SCN2A: variants seen among roughly 807,000 people sequenced by gnomAD.
SCN2A encodes the protein sodium channel protein type 2 subunit alpha.
Under a neutral mutation model 188.7 loss-of-function variants are expected in SCN2A, and 20 were observed. The ratio of observed to expected loss-of-function variants is 0.11; its 90% CI spans 0.07 to 0.15. The LOEUF (loss-of-function observed/expected upper bound fraction) is 0.15. Ranked by LOEUF, SCN2A falls within the 10% of genes least tolerant of loss-of-function variation. The pLI, the probability that SCN2A is intolerant of heterozygous loss-of-function variation, is 1.00. For synonymous variants in SCN2A, 804 were observed against 833.1 expected (o/e 0.97, Z 0.60); for missense variants, 1,278 against 2,445.0 (o/e 0.52, Z 10.07).
At chr2:165,303,868 G>A (rs1488400255) in intron 3 of SCN2A, among the ~76,000 whole-genome samples, 4 of 151,698 alleles carry the variant, frequency 2.6e-5, no homozygotes, top group East Asian at 3.9e-4. Context: ...GCCTGTTTTC[G>A]ACTTATTATC....
intron 17 of SCN2A, among the ~76,000 whole-genome samples, chr2:165,358,552 A>C (rs887912644): frequency 6.6e-6 from 1 of 152,118 alleles, no homozygotes; most frequent in African/African-American, 2.4e-5. Context: ...TAAAACTCTT[A>C]GACTGAAAGA....
rs1389563137 is a variant in SCN2A, at chr2:165,354,504, A to T, written c.3232A>T (p.Ile1078Leu). 1 of 1,614,142 alleles carries T rather than the reference A, an allele frequency of 6.2e-7. No individual in the cohort carries two copies. The highest frequency in any genetic ancestry group is 1.3e-5 in the African/African-American group (1 of 75,048). The change falls in exon 17 of 27, where the codon ATA becomes TTA. Residue 1078 changes from isoleucine (I) to leucine (L), a missense_variant. Coordinates refer to ENST00000375437, the MANE Select transcript of SCN2A (RefSeq NM_001040142.2). Reference sequence around the variant, plus strand: ...AGACGGAAATGGAACTACTAGTGGCATAGGCAGCAGTGTAGAAAAATATGT... The same window carrying T: ...AGACGGAAATGGAACTACTAGTGGCTTAGGCAGCAGTGTAGAAAAATATGT... ...LKDGNGTTSG[I>L]GSSVEKYVVD...
chr2:165,327,411 T>A (rs996933950), intron 13 of SCN2A: 1 of 197,046 alleles, frequency 5.1e-6, no homozygotes, highest in Non-Finnish European at 1.0e-5. Flanking sequence ...TGATATTAAC[T>A]TCCTTGAAGC....
chr2:165,240,834 C>A, intron 1 of SCN2A, among the ~76,000 whole-genome samples: 1 of 151,776 alleles, frequency 6.6e-6, no homozygotes, highest in Non-Finnish European at 1.5e-5. Context: ...TTGGACAAAC[C>A]ATGAAAAAAA....
chr2:165,273,261 T>G (rs936127509), intron 1 of SCN2A: 4 of 152,160 alleles, frequency 2.6e-5, no homozygotes, highest in African/African-American at 9.6e-5. Context: ...TAGATGGTGA[T>G]TAAAGAGTTG....
At chr2:165,291,213 T>C (rs1027198668) in intron 1 of SCN2A, among the ~76,000 whole-genome samples, 3 of 151,720 alleles carry the variant, frequency 2.0e-5, no homozygotes, top group Admixed American at 6.6e-5. Flanking sequence ...GGCTAATTTT[T>C]TCTATTTTTT....
intron 11 of SCN2A, among the ~76,000 whole-genome samples, chr2:165,317,621 C>G (rs1294696524): frequency 1.3e-5 from 2 of 152,046 alleles, no homozygotes; most frequent in Admixed American, 1.3e-4. Flanking sequence ...AATAGTGAAG[C>G]CTGATAAGGC....
Position 165,390,195 on chromosome 2 carries a change from G to T in SCN2A, c.*371G>T. ...TGTCACCAGTGTTTATGTTTTAACT[G>T]CCACACCTGCCATATTTTTACAAAA... On this transcript the variant is annotated 3_prime_UTR_variant, in exon 27 of 27. Transcript: ENST00000375437. 1 of 201,598 alleles carries T rather than the reference G, an allele frequency of 5.0e-6. No individual in the cohort carries two copies. The highest frequency in any genetic ancestry group is 1.0e-5 in the Non-Finnish European group (1 of 97,966). 12.5% of individuals were successfully genotyped at this position (201,598 alleles called of 1,614,324 possible). A position where few individuals can be genotyped will look rare whatever the true frequency, so the allele number is the denominator to read the frequency against.
At chr2:165,385,047 G>A (rs1289602760) in intron 25 of SCN2A, among the ~76,000 whole-genome samples, 1 of 152,102 alleles carries the variant, frequency 6.6e-6, no homozygotes, top group Non-Finnish European at 1.5e-5. Context: ...GATCCAGCTG[G>A]AGTAATAGAA....
chr2:165,294,065 G>A, intron 1 of SCN2A: 2 of 815,490 alleles, frequency 2.5e-6, no homozygotes, highest in Non-Finnish European at 2.9e-6. Context: ...AAGCATGATG[G>A]AATTTTAGCT....
At chr2:165,253,049 G>A (rs1487129108) in intron 1 of SCN2A, among the ~76,000 whole-genome samples, 3 of 152,072 alleles carry the variant, frequency 2.0e-5, no homozygotes, top group Non-Finnish European at 4.4e-5. Context: ...CTCATCACAG[G>A]TGAATGGGGG....
chr2:165,350,664 G>GGGTTTCA (rs1337121439), intron 16 of SCN2A, among the ~76,000 whole-genome samples: 4 of 141,540 alleles, frequency 2.8e-5, no homozygotes. Context: ...AGTAGAGACG[G>GGGTTTCA]GGTTTCACCG....
chr2:165,349,601 A>G (rs1559380226), intron 16 of SCN2A, among the ~76,000 whole-genome samples: 1 of 152,234 alleles, frequency 6.6e-6, no homozygotes, highest in Non-Finnish European at 1.5e-5. Flanking sequence ...TGATGTATGC[A>G]TAAAAAGATA....
At chr2:165,388,549 A>G (rs913763950) in intron 26 of SCN2A, 80 bp from the exon 27 acceptor site, 2 of 1,585,434 alleles carry the variant, frequency 1.3e-6, no homozygotes, top group Non-Finnish European at 1.7e-6. Flanking sequence ...CACATTTTGT[A>G]AAACTAATGT....
chr2:165,300,214 A>C (rs185874161), intron 3 of SCN2A, among the ~76,000 whole-genome samples: 1 of 152,346 alleles, frequency 6.6e-6, no homozygotes, highest in Admixed American at 6.5e-5. Context: ...AAGTTAATAT[A>C]TGCACACTCC....
At chr2:165,346,930 A>T (rs1005175074) in intron 16 of SCN2A, among the ~76,000 whole-genome samples, 2 of 152,250 alleles carry the variant, frequency 1.3e-5, no homozygotes, top group Admixed American at 1.3e-4. Flanking sequence ...ATCATTAAAA[A>T]GTCAGGAAAC....
intron 24 of SCN2A, 132 bp from the exon 25 acceptor site, chr2:165,380,961 G>A (rs189597714): frequency 1.7e-5 from 12 of 707,812 alleles, no homozygotes; most frequent in Admixed American, 2.7e-5. Flanking sequence ...ATTGAATAAA[G>A]GCATCTCTAT....
rs1702027530 is a variant in SCN2A, at chr2:165,389,225, C to T, written c.5419C>T (p.Pro1807Ser). 3.1e-6 allele frequency: 5 copies of T among 1,613,988 alleles called. No individual in the cohort carries two copies. The highest frequency in any genetic ancestry group is 3.4e-6 in the Non-Finnish European group (4 of 1,179,990). ...MFYEVWEKFD[P>S]DATQFIEFAK... ...CTATGAGGTTTGGGAGAAGTTTGAT[C>T]CCGATGCGACCCAGTTTATAGAGTT... The change falls in exon 27 of 27, where the codon CCC becomes TCC. Residue 1807 changes from proline to serine, a missense_variant. Pro to Ser is a moderately conservative substitution (Grantham distance 74, BLOSUM62 -1). This residue lies in a region of SCN2A where 54 missense variants were observed against 135.4 expected (regional missense o/e 0.40). Transcript: ENST00000375437. The surrounding 1 kb of genome is among the most constrained non-coding windows in gnomAD (Gnocchi z 4.2).
At chr2:165,259,477 G>A (rs1208548338) in intron 1 of SCN2A, among the ~76,000 whole-genome samples, 1 of 152,200 alleles carries the variant, frequency 6.6e-6, no homozygotes, top group Non-Finnish European at 1.5e-5. Context: ...ACCTGCCACT[G>A]CTTTATCAAC....
Sources: gnomAD v4.1 joint callset for allele counts (sites outside exome capture counted in the v4.1 genomes callset) on GRCh38, gnomAD v4.1.1 for gene constraint, gnomAD v4.1.1 regional missense constraint, Gnocchi (gnomAD v3.1) non-coding constraint, MANE v1.5 for transcripts, NCBI Gene and HGNC (gene_info 2026-07-23, HGNC 2026-07-21) for gene names.